ZC3H12C: variants seen among roughly 807,000 people sequenced by gnomAD.
The protein encoded by ZC3H12C is probable ribonuclease ZC3H12C.
ZC3H12C carries 20 observed loss-of-function variants against 76.3 expected under a neutral mutation model. That is an observed-to-expected ratio of 0.26 (90% CI 0.18 to 0.38). The LOEUF (loss-of-function observed/expected upper bound fraction) is 0.38. Among genes scored for constraint, ZC3H12C ranks in the 10% least tolerant of loss-of-function variants. The pLI is 1.00. For synonymous variants in ZC3H12C, 352 were observed against 399.6 expected (o/e 0.88, Z 1.42); for missense variants, 874 against 1,086.5 (o/e 0.80, Z 2.75).
chr11:110,164,735 T>G lies in ZC3H12C; in HGVS notation c.1650T>G (p.Pro550=). Residue 550 remains proline, a synonymous_variant, in exon 6 of 6, where the codon CCT becomes CCG. Coordinates refer to ENST00000278590, the MANE Select transcript of ZC3H12C (RefSeq NM_033390.2). This position sits in a 1 kb window ranked among gnomAD's most constrained non-coding sequence, Gnocchi z 5.7. ...NGLPSGVHFP[P]QDQRPQGQYP... ...TTCCATCTGGAGTTCATTTCCCACC[T>G]CAGGATCAAAGACCACAGGGACAAT... 6.2e-7 allele frequency: 1 copy of G among 1,613,962 alleles called. No homozygotes were observed. The highest frequency in any genetic ancestry group is 8.5e-7 in the Non-Finnish European group (1 of 1,179,882).
At chr11:110,109,066 A>G (rs1861384044) in intron 1 of ZC3H12C, among the ~76,000 whole-genome samples, 1 of 152,232 alleles carries the variant, frequency 6.6e-6, no homozygotes, top group Non-Finnish European at 1.5e-5. Flanking sequence ...GAACTTTTGC[A>G]TATAAGATTA....
chr11:110,123,245 G>A (rs753971297), intron 1 of ZC3H12C, among the ~76,000 whole-genome samples: 2 of 152,154 alleles, frequency 1.3e-5, no homozygotes, highest in Admixed American at 6.6e-5. Flanking sequence ...CACTTTGGAT[G>A]TCATTTGCAT....
At chr11:110,125,612 C>T (rs187783091) in intron 1 of ZC3H12C, among the ~76,000 whole-genome samples, 17 of 152,274 alleles carry the variant, frequency 1.1e-4, no homozygotes, top group African/African-American at 3.6e-4. Flanking sequence ...GCCACCATGG[C>T]CAGCCTCTCT....
intron 2 of ZC3H12C, among the ~76,000 whole-genome samples, chr11:110,144,732 A>G (rs1265916711): frequency 6.6e-6 from 1 of 152,224 alleles, no homozygotes; most frequent in East Asian, 1.9e-4. Flanking sequence ...ATCAAATTTG[A>G]GGAAATAAAA....
chr11:110,099,932 T>C (rs539295089), intron 1 of ZC3H12C, among the ~76,000 whole-genome samples: 26 of 152,286 alleles, frequency 1.7e-4, no homozygotes, highest in Admixed American at 5.9e-4. Flanking sequence ...GCATATTAGA[T>C]GATAGTTAAC....
intron 1 of ZC3H12C, among the ~76,000 whole-genome samples, chr11:110,115,199 T>G (rs1017268138): frequency 6.6e-6 from 1 of 151,794 alleles, no homozygotes; most frequent in East Asian, 1.9e-4. Context: ...CTCGCACTCC[T>G]GGGCTCAAGC....
chr11:110,101,320 G>C (rs1055685890), intron 1 of ZC3H12C, among the ~76,000 whole-genome samples: 2 of 152,216 alleles, frequency 1.3e-5, no homozygotes, highest in African/African-American at 4.8e-5. Flanking sequence ...CAAGATAATT[G>C]ATGAAGGTGA....
intron 2 of ZC3H12C, among the ~76,000 whole-genome samples, chr11:110,145,322 CAA>C (rs780072976): frequency 1.3e-5 from 2 of 152,104 alleles, no homozygotes; most frequent in South Asian, 2.1e-4. Context: ...AGCTATGAGA[CAA>C]AGTGAATTTA....
chr11:110,137,108 C>A lies in ZC3H12C; in HGVS notation c.467C>A (p.Pro156His), dbSNP rs1429826974. ...QTTSKEAKKP[P>H]DVVREYQTKL... ...ACATCCAAGGAAGCAAAGAAACCAC[C>A]TGATGTGGTGCGAGAATACCAAACA... The change falls in exon 2 of 6, where the codon CCT becomes CAT. Residue 156 changes from proline to histidine, a missense_variant. Pro to His is a moderately conservative substitution (Grantham distance 77). Coordinates refer to ENST00000278590, the MANE Select transcript of ZC3H12C (RefSeq NM_033390.2). The A allele has an allele frequency of 2.5e-6, 4 of 1,613,868 alleles. No individual in the cohort carries two copies. The highest frequency in any genetic ancestry group is 3.4e-6 in the Non-Finnish European group (4 of 1,179,842).
At position 110,164,754 on chromosome 11, in the gene ZC3H12C, GGAC is replaced by G; in HGVS notation, c.1670_1672del (p.Gly557_Gln558delinsGlu). 1 of 1,613,894 alleles carries G rather than the reference GGAC, an allele frequency of 6.2e-7. No individual in the cohort carries two copies. The highest frequency in any genetic ancestry group is 8.5e-7 in the Non-Finnish European group (1 of 1,179,856). ...CCCACCTCAGGATCAAAGACCACAG[GGAC>G]AATATCCTTCAATGATGATGGCAAC... On this transcript the variant is annotated inframe_deletion, in exon 6 of 6. Transcript: ENST00000278590. The surrounding 1 kb of genome is among the most constrained non-coding windows in gnomAD (Gnocchi z 5.7).
intron 1 of ZC3H12C, among the ~76,000 whole-genome samples, chr11:110,133,953 A>G (rs1861910419): frequency 6.6e-6 from 1 of 152,184 alleles, no homozygotes; most frequent in South Asian, 2.1e-4. Flanking sequence ...AATATTTGTC[A>G]CTAGTTGTAT....
At chr11:110,146,918 T>C (rs1488442497) in intron 2 of ZC3H12C, among the ~76,000 whole-genome samples, 1 of 152,188 alleles carries the variant, frequency 6.6e-6, no homozygotes, top group Admixed American at 6.5e-5. Context: ...TCCATCCTTG[T>C]TAATTTAGAA....
intron 1 of ZC3H12C, among the ~76,000 whole-genome samples, chr11:110,115,615 T>C (rs1861511560): frequency 6.6e-6 from 1 of 152,094 alleles, no homozygotes; most frequent in East Asian, 1.9e-4. Flanking sequence ...TTTTGTTTTT[T>C]CATAGGATGG....
chr11:110,096,732 A>C (rs1201121882), intron 1 of ZC3H12C, among the ~76,000 whole-genome samples: 1 of 152,248 alleles, frequency 6.6e-6, no homozygotes, highest in Non-Finnish European at 1.5e-5. Flanking sequence ...TAAGTGATGC[A>C]TAGTGAGTAT....
chr11:110,136,856 A>G lies in ZC3H12C; in HGVS notation c.215A>G (p.Asn72Ser). 1 of 1,613,920 alleles carries G rather than the reference A, an allele frequency of 6.2e-7. No homozygotes were observed. The change falls in exon 2 of 6, where the codon AAT becomes AGT. Residue 72 changes from asparagine (N) to serine (S), a missense_variant. Asn to Ser is a conservative substitution (Grantham distance 46, BLOSUM62 1). Transcript: ENST00000278590. ...TVENPSMDTV[N>S]VGKDEKEASE... ...GAAAACCCAAGTATGGATACCGTTAATGTGGGGAAGGATGAAAAAGAGGCG... is the reference window on the plus strand; with the variant it reads ...GAAAACCCAAGTATGGATACCGTTAGTGTGGGGAAGGATGAAAAAGAGGCG...
intron 2 of ZC3H12C, among the ~76,000 whole-genome samples, chr11:110,139,869 C>CTTTTTTTTTTTTTTT (rs58867910): frequency 1.5e-5 from 2 of 131,528 alleles, no homozygotes; most frequent in Admixed American, 7.9e-5. Flanking sequence ...CATATATTTT[C>CTTTTTTTTTTTTTTT]TTTTTTTTTT....
chr11:110,163,167 A>G lies in ZC3H12C; in HGVS notation c.1149-106A>G, dbSNP rs937928460. The stretch of plus-strand genomic sequence containing the variant: ...GTGGAATCAAAACACTTGGATTAAA[A>G]TTGCAAAAAAAATTCCTTATAGAGG... On this transcript the variant is annotated intron_variant, in intron 4 of 5. Transcript: ENST00000278590. The G allele has an allele frequency of 4.3e-6, 4 of 934,566 alleles. No individual in the cohort carries two copies. In the African/African-American group the frequency reaches 6.7e-5, roughly 16 times the overall value. 57.9% of individuals were successfully genotyped at this position (934,566 alleles called of 1,614,324 possible).
At chr11:110,130,293 A>C (rs892522002) in intron 1 of ZC3H12C, among the ~76,000 whole-genome samples, 3 of 152,170 alleles carry the variant, frequency 2.0e-5, no homozygotes, top group African/African-American at 7.2e-5. Context: ...CTTTTGTTTT[A>C]TCTACACTTT....
Position 110,169,662 on chromosome 11 carries a change from A to G in ZC3H12C, c.*3925A>G, listed in dbSNP as rs937541370. ...TAATTCAGCTAACAGTTAAGTTTCC[A>G]AGGTATACACCAACAAATAAAATGA... is the stretch of plus-strand genomic sequence containing the variant. On this transcript the variant is annotated 3_prime_UTR_variant, in exon 6 of 6. Coordinates refer to ENST00000278590, the MANE Select transcript of ZC3H12C (RefSeq NM_033390.2). The G allele has an allele frequency of 2.0e-5, 3 of 152,330 alleles. No homozygotes were observed. Among genetic ancestry groups the G allele is most frequent in the African/African-American group, 4.8e-5 (2 of 41,578 alleles). The allele number at this position is 152,330 out of a possible 1,614,324, so 9.4% of individuals were successfully genotyped here.
Sources: gnomAD v4.1 joint callset for allele counts (sites outside exome capture counted in the v4.1 genomes callset) on GRCh38, gnomAD v4.1.1 for gene constraint, Gnocchi (gnomAD v3.1) non-coding constraint, MANE v1.5 for transcripts, NCBI Gene and HGNC (gene_info 2026-07-23, HGNC 2026-07-21) for gene names.